Variants in CHRDL2 observed in about 807,000 individuals in gnomAD.
CHRDL2 encodes the protein chordin-like protein 2.
Under a neutral mutation model 54.3 loss-of-function variants are expected in CHRDL2, and 41 were observed. That is an observed-to-expected ratio of 0.76 (90% CI 0.59 to 0.98). CHRDL2 has a LOEUF of 0.98. Among genes scored for constraint, CHRDL2 ranks in the 50% least tolerant of loss-of-function variants. The pLI, the probability that CHRDL2 is intolerant of heterozygous loss-of-function variation, is 0.00. For synonymous variants in CHRDL2, 220 were observed against 224.3 expected, an observed-to-expected ratio of 0.98 and a Z score of 0.17; for missense variants, 518 against 562.4, an observed-to-expected ratio of 0.92 and a Z score of 0.80.
Position 74,718,798 on chromosome 11 carries a change from T to TCTCTTCCCATGGAAAA in CHRDL2, c.101_116dup (p.Arg39SerfsTer95). The TCTCTTCCCATGGAAAA allele has an allele frequency of 6.2e-7, 1 of 1,613,184 alleles. No homozygotes were observed. Among genetic ancestry groups the TCTCTTCCCATGGAAAA allele is most frequent in the African/African-American group, 1.3e-5 (1 of 74,992 alleles). ...GGTGCCAGCTCTCGCCGGGGGAGTATCTCTTCCCATGGAAAAGGCAGAACA... is the reference window on the plus strand; with the variant it reads ...GGTGCCAGCTCTCGCCGGGGGAGTATCTCTTCCCATGGAAAACTCTTCCCATGGAAAAGGCAGAACA... On this transcript the variant is annotated frameshift_variant, in exon 2 of 11. Transcript: ENST00000376332. LOFTEE classifies it high-confidence loss of function.
chr11:74,696,552 T>C lies in CHRDL2; in HGVS notation c.1247A>G (p.Glu416Gly). Residue 416 changes from glutamate (E) to glycine (G), a missense_variant, in exon 11 of 11, where the codon GAG (glutamate) becomes GGG (glycine). Physicochemically the swap from Glu to Gly is moderately conservative, Grantham distance 98. Coordinates refer to ENST00000376332, the MANE Select transcript of CHRDL2 (RefSeq NM_001278473.3). The part of the protein sequence containing the change: ...HWNVFLAQTL[E>G]LKVTASPDKV... ...GTCTGGACTGGCCGTGACCTTCAGC[T>C]CCAGGGTCTGGGCTAGGAAGACGTT... is the stretch of plus-strand genomic sequence containing the variant. 1 of 1,614,114 alleles carries C rather than the reference T, an allele frequency of 6.2e-7. No homozygotes were observed. The highest frequency in any genetic ancestry group is 8.5e-7 in the Non-Finnish European group (1 of 1,180,020).
rs768754822 is a variant in CHRDL2 at position 74,697,311 on chromosome 11, C to T, written c.1121-14G>A. 3 of 1,608,580 alleles carry T rather than the reference C, an allele frequency of 1.9e-6. No homozygotes were observed. The South Asian group carries it at 3.3e-5, about 18-fold the overall frequency. ...AGTGGAAGATTCCTGAGGGCAGAGACAAGGATGTGAGCAGGCAAGGCAAAA... is the reference window on the plus strand; with the variant it reads ...AGTGGAAGATTCCTGAGGGCAGAGATAAGGATGTGAGCAGGCAAGGCAAAA... On this transcript the variant is annotated splice_polypyrimidine_tract_variant and intron_variant, in intron 9 of 10. Coordinates refer to ENST00000376332, the MANE Select transcript of CHRDL2 (RefSeq NM_001278473.3).
intron 1 of CHRDL2, among the ~76,000 whole-genome samples, chr11:74,728,528 T>TTG (rs1554988421): frequency 0.29 from 44,173 of 150,524 alleles, 7,887 homozygotes; most frequent in East Asian, 0.53. Flanking sequence ...TGTTCTGTTT[T>TTG]TTGTTGTTGT....
intron 1 of CHRDL2, among the ~76,000 whole-genome samples, chr11:74,721,103 C>A (rs945009295): frequency 4.6e-5 from 7 of 152,226 alleles, no homozygotes; most frequent in African/African-American, 1.7e-4. Flanking sequence ...CCCGGCTGGC[C>A]CGTATCAAAT....
rs200100074 is a variant in CHRDL2 at position 74,730,868 on chromosome 11, G to A, written c.21C>T (p.Val7=). 2 of 1,612,236 alleles carry A rather than the reference G, an allele frequency of 1.2e-6. No individual in the cohort carries two copies. Among genetic ancestry groups the A allele is most frequent in the African/African-American group, 1.3e-5 (1 of 75,036 alleles). ...GCGCGAGTCCCAGCAAGGAGGAGAG[G>A]ACCCTCACCTCGGGAACCATCCTTT... MVPEVR[V]LSSLLGLALL... is the part of the protein sequence containing the mutation. Residue 7 remains valine, a synonymous_variant, in exon 1 of 11, where the codon GTC becomes GTT. Coordinates refer to ENST00000376332, the MANE Select transcript of CHRDL2 (RefSeq NM_001278473.3).
At chr11:74,701,075 C>G (rs2033792222) in intron 9 of CHRDL2, 1 of 152,342 alleles carries the variant, frequency 6.6e-6, no homozygotes, top group Non-Finnish European at 1.5e-5. Flanking sequence ...GCAGAAGCCT[C>G]TAAGTGTGAC....
intron 2 of CHRDL2, among the ~76,000 whole-genome samples, chr11:74,714,842 C>T (rs549121046): frequency 7.2e-5 from 11 of 152,178 alleles, no homozygotes; most frequent in African/African-American, 2.2e-4. Context: ...ATTAGCACCA[C>T]GAAGCAGGAA....
At position 74,731,331 on chromosome 11, in the gene CHRDL2, G is replaced by T; in HGVS notation, c.-443C>A. 6.7e-6 allele frequency: 1 copy of T among 148,372 alleles called. No homozygotes were observed. Among genetic ancestry groups the T allele is most frequent in the South Asian group, 1.8e-4 (1 of 5,634 alleles). The allele number at this position is 148,372 out of a possible 1,614,324, so 9.2% of individuals were successfully genotyped here. On this transcript the variant is annotated 5_prime_UTR_variant, in exon 1 of 11. Coordinates refer to ENST00000376332, the MANE Select transcript of CHRDL2 (RefSeq NM_001278473.3). The surrounding 1 kb of genome is among the most constrained non-coding windows in gnomAD (Gnocchi z 4.4). ...CTCGGTGGGCTCGGGGTCGGGCCGC[G>T]GGGGCCTGGGGCCCGGCGGGGCGGC...
chr11:74,730,734 G>A (rs916232333), intron 1 of CHRDL2, 73 bp downstream of exon 1: 29 of 1,406,596 alleles, frequency 2.1e-5, no homozygotes, highest in South Asian at 3.7e-5. Flanking sequence ...TTGGGGTCCA[G>A]GTCCTGGCGC....
At chr11:74,710,627 T>G (rs2034157873) in intron 4 of CHRDL2, among the ~76,000 whole-genome samples, 1 of 150,440 alleles carries the variant, frequency 6.6e-6, no homozygotes, top group Non-Finnish European at 1.5e-5. Flanking sequence ...CAGCGTCTAC[T>G]GGGGGAAACA....
intron 6 of CHRDL2, among the ~76,000 whole-genome samples, chr11:74,705,344 G>A (rs980760892): frequency 2.6e-5 from 4 of 152,188 alleles, no homozygotes; most frequent in Admixed American, 2.0e-4. Context: ...AAGTGGGCTT[G>A]GGGCAGGGAC....
Position 74,711,037 on chromosome 11 carries a change from G to A in CHRDL2, c.290-46C>T. ...GAGGAAGAAGAAAATGAGGTTTCAT[G>A]TGAATCTTTGCTGAAATTAACAAGG... On this transcript the variant is annotated intron_variant, in intron 3 of 10. Transcript: ENST00000376332. 1.3e-6 allele frequency: 2 copies of A among 1,573,946 alleles called. 1 individual carries two copies. Among genetic ancestry groups the A allele is most frequent in the Non-Finnish European group, 1.7e-6 (2 of 1,156,900 alleles).
chr11:74,705,894 G>T (rs1222667239), intron 6 of CHRDL2, among the ~76,000 whole-genome samples: 8 of 152,296 alleles, frequency 5.3e-5, no homozygotes, highest in Admixed American at 2.6e-4. Flanking sequence ...GAGACCAGGA[G>T]ACCCAGGCTG....
intron 6 of CHRDL2, among the ~76,000 whole-genome samples, chr11:74,705,100 G>C (rs1488670180): frequency 6.6e-6 from 1 of 152,140 alleles, no homozygotes; most frequent in Non-Finnish European, 1.5e-5. Context: ...TCTGAAGATG[G>C]CATCAGGCAG....
intron 6 of CHRDL2, among the ~76,000 whole-genome samples, chr11:74,705,064 T>C (rs1276140606): frequency 3.9e-5 from 6 of 152,052 alleles, no homozygotes; most frequent in Non-Finnish European, 7.4e-5. Flanking sequence ...GGAGATTTAG[T>C]TGGTGGCTGG....
Position 74,710,997 on chromosome 11 carries a change from G to A in CHRDL2, c.290-6C>T, listed in dbSNP as rs2034176654. 6.2e-7 allele frequency: 1 copy of A among 1,610,502 alleles called. No homozygotes were observed. The highest frequency in any genetic ancestry group is 8.5e-7 in the Non-Finnish European group (1 of 1,177,890). On this transcript the variant is annotated splice_region_variant and splice_polypyrimidine_tract_variant and intron_variant, in intron 3 of 10. Coordinates refer to ENST00000376332, the MANE Select transcript of CHRDL2 (RefSeq NM_001278473.3). The stretch of plus-strand genomic sequence containing the variant: ...TCCAGAGGGAGTGTGAGGTTCTGCA[G>A]TGGGGGAGGGGCAGGAGGAAGAAGA...
intron 2 of CHRDL2, among the ~76,000 whole-genome samples, chr11:74,714,126 G>C (rs2034277396): frequency 6.6e-6 from 1 of 152,092 alleles, no homozygotes; most frequent in Non-Finnish European, 1.5e-5. Flanking sequence ...CACCCCTCGT[G>C]GGGGTCTTCC....
At chr11:74,704,413 TGGGGGTG>T in intron 7 of CHRDL2, 66 bp downstream of exon 7, 1 of 1,175,608 alleles carries the variant, frequency 8.5e-7, no homozygotes, top group Non-Finnish European at 1.1e-6. Context: ...TTCAGGGGGT[TGGGGGTG>T]GGAGGTGGGA....
At chr11:74,697,516 G>A in intron 9 of CHRDL2, 1 of 578,566 alleles carries the variant, frequency 1.7e-6, no homozygotes, top group Non-Finnish European at 3.2e-6. Context: ...GTCTTGTCTG[G>A]GTCACTACAC....
Sources: gnomAD v4.1 joint callset for allele counts (sites outside exome capture counted in the v4.1 genomes callset) on GRCh38, gnomAD v4.1.1 for gene constraint, Gnocchi (gnomAD v3.1) non-coding constraint, MANE v1.5 for transcripts, NCBI Gene and HGNC (gene_info 2026-07-23, HGNC 2026-07-21) for gene names.